Variants in ASIC2 observed in about 807,000 individuals in gnomAD.
ASIC2 encodes the protein acid sensing ion channel subunit 2.
ASIC2 carries 25 observed loss-of-function variants against 57.3 expected under a neutral mutation model. The observed-to-expected ratio is 0.44, with a 90% CI of 0.32 to 0.61. ASIC2 has a LOEUF of 0.61. ASIC2 is among the 20% of genes least tolerant of loss of function. ASIC2 has a pLI of 0.06. For synonymous variants in ASIC2, 319 were observed against 307.5 expected (o/e 1.04, Z -0.39); for missense variants, 641 against 738.1 (o/e 0.87, Z 1.52).
At chr17:34,095,738 A>ATT (rs556143211) in intron 1 of ASIC2, among the ~76,000 whole-genome samples, 3,579 of 143,064 alleles carry the variant, frequency 0.025, 157 homozygotes, top group African/African-American at 0.087. Context: ...TATATATATA[A>ATT]TTTTATATAT....
intron 1 of ASIC2, among the ~76,000 whole-genome samples, chr17:33,824,904 C>G (rs1912860433): frequency 6.6e-6 from 1 of 152,160 alleles, no homozygotes; most frequent in Non-Finnish European, 1.5e-5. Flanking sequence ...TCGGGTATGT[C>G]TTTATTAGCA....
At chr17:33,454,543 C>A (rs1912381778) in intron 1 of ASIC2, among the ~76,000 whole-genome samples, 1 of 152,198 alleles carries the variant, frequency 6.6e-6, no homozygotes, top group Non-Finnish European at 1.5e-5. Flanking sequence ...ATCTTCTTAA[C>A]AATTGTGGTT....
intron 1 of ASIC2, among the ~76,000 whole-genome samples, chr17:34,025,389 C>T (rs1397824776): frequency 6.6e-6 from 1 of 152,122 alleles, no homozygotes; most frequent in South Asian, 2.1e-4. Flanking sequence ...AAAGTTGCAC[C>T]CCCTCGTGGA....
chr17:33,309,321 C>A (rs1046278239), intron 1 of ASIC2, among the ~76,000 whole-genome samples: 1 of 152,122 alleles, frequency 6.6e-6, no homozygotes, highest in Non-Finnish European at 1.5e-5. Flanking sequence ...AAGGAGGATT[C>A]TTTTAAAGAC....
chr17:34,060,886 TGAGG>T (rs1908946262), intron 1 of ASIC2, among the ~76,000 whole-genome samples: 1 of 152,082 alleles, frequency 6.6e-6, no homozygotes, highest in African/African-American at 2.4e-5. Context: ...TCAGTGTTCC[TGAGG>T]AAGAAGAGAA....
intron 1 of ASIC2, among the ~76,000 whole-genome samples, chr17:33,743,358 C>T (rs1221050322): frequency 2.6e-5 from 4 of 152,224 alleles, no homozygotes; most frequent in Non-Finnish European, 5.9e-5. Flanking sequence ...ATGGAAGCTC[C>T]ATCATGTGTG....
intron 3 of ASIC2, among the ~76,000 whole-genome samples, chr17:33,080,052 A>C (rs1199985830): frequency 1.3e-5 from 2 of 152,062 alleles, no homozygotes; most frequent in African/African-American, 4.8e-5. Flanking sequence ...TTGGGTCTGG[A>C]GCTCAGGAAA....
At chr17:34,048,366 G>T (rs1908418694) in intron 1 of ASIC2, among the ~76,000 whole-genome samples, 1 of 152,110 alleles carries the variant, frequency 6.6e-6, no homozygotes, top group African/African-American at 2.4e-5. Flanking sequence ...TGGTGCTTCA[G>T]ATTCCTTCAT....
intron 1 of ASIC2, among the ~76,000 whole-genome samples, chr17:33,899,765 G>A (rs1367141791): frequency 1.3e-5 from 2 of 152,154 alleles, no homozygotes; most frequent in Non-Finnish European, 2.9e-5. Flanking sequence ...CTAGATAGAT[G>A]TCTTCATGTT....
At chr17:33,475,264 T>A (rs1470690236) in intron 1 of ASIC2, among the ~76,000 whole-genome samples, 1 of 149,118 alleles carries the variant, frequency 6.7e-6, no homozygotes, top group Non-Finnish European at 1.5e-5. Context: ...TTAACAAATG[T>A]TGAAATTTTA....
At chr17:34,146,833 C>G (rs183829228) in intron 1 of ASIC2, 84 of 152,234 alleles carry the variant, frequency 5.5e-4, no homozygotes, top group African/African-American at 1.9e-3. Context: ...CATGGAAGAC[C>G]CAGAGTGTAT....
intron 1 of ASIC2, among the ~76,000 whole-genome samples, chr17:33,530,987 C>G (rs1915033643): frequency 6.6e-6 from 1 of 151,524 alleles, no homozygotes; most frequent in Admixed American, 6.6e-5. Context: ...TAAGCAGAGC[C>G]TTAAATAAGT....
intron 1 of ASIC2, among the ~76,000 whole-genome samples, chr17:33,764,397 G>A (rs972697613): frequency 6.6e-6 from 1 of 151,980 alleles, no homozygotes; most frequent in Admixed American, 6.6e-5. Flanking sequence ...GCCTTAGTGG[G>A]TGTGTTAGTC....
chr17:34,000,163 G>A (rs1402868269), intron 1 of ASIC2, among the ~76,000 whole-genome samples: 1 of 150,812 alleles, frequency 6.6e-6, no homozygotes, highest in African/African-American at 2.4e-5. Flanking sequence ...CCTTGCATGT[G>A]ACAAGTTGCT....
intron 1 of ASIC2, among the ~76,000 whole-genome samples, chr17:33,811,446 GT>G (rs977711208): frequency 6.6e-6 from 1 of 152,148 alleles, no homozygotes; most frequent in African/African-American, 2.4e-5. Flanking sequence ...AACATTTTGG[GT>G]TTTTTTGCAG....
At chr17:33,887,036 C>T (rs1467827029) in intron 1 of ASIC2, among the ~76,000 whole-genome samples, 1 of 152,158 alleles carries the variant, frequency 6.6e-6, no homozygotes, top group Non-Finnish European at 1.5e-5. Context: ...GTGCTACCTA[C>T]TGTTTGAAAA....
At chr17:33,869,249 A>AG (rs1246431503) in intron 1 of ASIC2, among the ~76,000 whole-genome samples, 2 of 152,016 alleles carry the variant, frequency 1.3e-5, no homozygotes, top group Non-Finnish European at 2.9e-5. Flanking sequence ...ATTAAAAAAA[A>AG]ACAAAGAATA....
chr17:33,921,484 T>C (rs1163664444), intron 1 of ASIC2, among the ~76,000 whole-genome samples: 1 of 152,104 alleles, frequency 6.6e-6, no homozygotes, highest in Non-Finnish European at 1.5e-5. Context: ...TAACAGACCA[T>C]ATATTTCCAA....
chr17:33,589,217 G>A lies in ASIC2; in HGVS notation c.556-477150C>T, dbSNP rs536429151. The stretch of plus-strand genomic sequence containing the variant: ...CTCAGAGCTTAGTGTGGAGACAGTT[G>A]AGAACATTAACAGCACGAGTACAGT... On this transcript the variant is annotated intron_variant, in intron 1 of 9. Transcript: ENST00000359872. 2.6e-5 allele frequency among the ~76,000 whole-genome samples: 4 copies of A among 152,296 alleles called. No homozygotes were observed. In the South Asian group the frequency reaches 8.3e-4, roughly 32 times the overall value.
Sources: allele counts gnomAD v4.1 joint callset (sites outside exome capture counted in the v4.1 genomes callset), GRCh38; gene constraint gnomAD v4.1.1; transcripts MANE v1.5; gene names NCBI Gene and HGNC (gene_info 2026-07-23, HGNC 2026-07-21).